NOVA1: variants seen among roughly 807,000 people sequenced by gnomAD.
NOVA1 encodes the protein NOVA alternative splicing regulator 1.
In NOVA1, 7 loss-of-function variants were observed where a neutral mutation model predicts 38.0. The observed-to-expected ratio is 0.18, with a 90% confidence interval of 0.10 to 0.35. The LOEUF (loss-of-function observed/expected upper bound fraction) is 0.35. Among genes scored for constraint, NOVA1 ranks in the 10% least tolerant of loss-of-function variants. The pLI, the probability that NOVA1 is intolerant of heterozygous loss-of-function variation, is 1.00. For synonymous variants in NOVA1, 270 were observed against 232.5 expected, an observed-to-expected ratio of 1.16 and a Z score of -1.47; for missense variants, 460 against 616.0, an observed-to-expected ratio of 0.75 and a Z score of 2.68.
intron 2 of NOVA1, among the ~76,000 whole-genome samples, chr14:26,566,620 C>T (rs1046815415): frequency 6.6e-5 from 10 of 152,056 alleles, no homozygotes; most frequent in South Asian, 2.1e-4. Flanking sequence ...ACTAATAAGG[C>T]GATAAATCCC....
intron 4 of NOVA1, among the ~76,000 whole-genome samples, chr14:26,459,906 T>C (rs1883509426): frequency 6.6e-6 from 1 of 152,026 alleles, no homozygotes; most frequent in Non-Finnish European, 1.5e-5. Flanking sequence ...TTTATTGTCA[T>C]TTTTACCATT....
chr14:26,536,988 T>C (rs182502001), intron 2 of NOVA1, among the ~76,000 whole-genome samples: 45 of 152,290 alleles, frequency 3.0e-4, no homozygotes, highest in Admixed American at 9.2e-4. Context: ...TGTCTTAAAA[T>C]ACTGTGTATA....
intron 2 of NOVA1, among the ~76,000 whole-genome samples, chr14:26,486,069 A>G (rs1193236780): frequency 3.3e-5 from 5 of 152,202 alleles, no homozygotes; most frequent in African/African-American, 9.6e-5. Context: ...AGAAATTACT[A>G]ATTTTGGATA....
At chr14:26,469,344 G>A (rs951457286) in intron 4 of NOVA1, among the ~76,000 whole-genome samples, 11 of 152,262 alleles carry the variant, frequency 7.2e-5, no homozygotes, top group Middle Eastern at 3.4e-3. Context: ...AAATATTTTA[G>A]AGTTGAAAAA....
intron 2 of NOVA1, among the ~76,000 whole-genome samples, chr14:26,507,146 T>G (rs1887696812): frequency 6.6e-6 from 1 of 152,132 alleles, no homozygotes; most frequent in Non-Finnish European, 1.5e-5. Flanking sequence ...TTTTATGCTA[T>G]AACAAACAAG....
intron 2 of NOVA1, among the ~76,000 whole-genome samples, chr14:26,500,256 C>A (rs183956166): frequency 6.6e-6 from 1 of 152,188 alleles, no homozygotes. Context: ...ACACTCACAG[C>A]AGCCTAGCAC....
rs563144467 is a variant in NOVA1 at position 26,480,636 on chromosome 14, T to C, written c.281-493A>G. ...ACTTACCACGCTCTTCCTTTAATCA[T>C]AGCAACACTTGTTACCCGATATTTT... On this transcript the variant is annotated intron_variant, in intron 2 of 4. Coordinates refer to ENST00000539517, the MANE Select transcript of NOVA1 (RefSeq NM_002515.3). Among the ~76,000 whole-genome samples, 3 of 152,084 alleles carry C rather than the reference T, an allele frequency of 2.0e-5. No individual in the cohort carries two copies. The East Asian group carries it at 5.8e-4, about 29-fold the overall frequency.
intron 3 of NOVA1, chr14:26,479,089 A>C (rs556328455): frequency 6.6e-6 from 1 of 152,012 alleles, no homozygotes; most frequent in African/African-American, 2.4e-5. Flanking sequence ...TACAATGAAC[A>C]TGAGTATTCT....
At chr14:26,553,868 C>T (rs1369390062) in intron 2 of NOVA1, among the ~76,000 whole-genome samples, 3 of 151,934 alleles carry the variant, frequency 2.0e-5, no homozygotes, top group South Asian at 2.1e-4. Context: ...AGGACTAGGC[C>T]GGGCCAGGTG....
chr14:26,473,966 C>T (rs1236017287), intron 3 of NOVA1, among the ~76,000 whole-genome samples: 1 of 151,840 alleles, frequency 6.6e-6, no homozygotes, highest in Non-Finnish European at 1.5e-5. Flanking sequence ...TAAAAATTTC[C>T]CTAATATTTT....
chr14:26,524,987 C>CTA (rs1387308867), intron 2 of NOVA1, among the ~76,000 whole-genome samples: 1 of 152,118 alleles, frequency 6.6e-6, no homozygotes, highest in African/African-American at 2.4e-5. Flanking sequence ...GTATTCAAAA[C>CTA]TATAGTTCAG....
intron 3 of NOVA1, among the ~76,000 whole-genome samples, chr14:26,478,205 T>C (rs1476162116): frequency 2.0e-5 from 3 of 151,984 alleles, no homozygotes; most frequent in Non-Finnish European, 1.5e-5. Context: ...ACTGGATATA[T>C]GATAGCCTGT....
At chr14:26,498,315 C>T (rs1024868449) in intron 2 of NOVA1, among the ~76,000 whole-genome samples, 1 of 151,982 alleles carries the variant, frequency 6.6e-6, no homozygotes, top group Non-Finnish European at 1.5e-5. Flanking sequence ...ATCCGCCCGC[C>T]TCGGCCTCCC....
chr14:26,461,553 C>A (rs1362178178), intron 4 of NOVA1, among the ~76,000 whole-genome samples: 1 of 151,992 alleles, frequency 6.6e-6, no homozygotes, highest in East Asian at 1.9e-4. Context: ...CAGAAGTCTG[C>A]AATGGAATGA....
intron 2 of NOVA1, among the ~76,000 whole-genome samples, chr14:26,508,585 C>T (rs948478365): frequency 2.7e-5 from 4 of 149,986 alleles, no homozygotes; most frequent in African/African-American, 4.9e-5. Context: ...CACCATTTAT[C>T]CGCATACACT....
At chr14:26,484,457 A>ACC (rs1885723835) in intron 2 of NOVA1, among the ~76,000 whole-genome samples, 4 of 102,586 alleles carry the variant, frequency 3.9e-5, no homozygotes, top group Non-Finnish European at 6.0e-5. Flanking sequence ...AAAAAAAAAA[A>ACC]AAAAAGAAAT....
chr14:26,473,825 AAGGGGT>A (rs1884775702), intron 3 of NOVA1, among the ~76,000 whole-genome samples: 3 of 152,032 alleles, frequency 2.0e-5, no homozygotes, highest in Admixed American at 1.3e-4. Context: ...TCATACAAAA[AAGGGGT>A]AGGACAGCTA....
chr14:26,460,810 C>T (rs1883596728), intron 4 of NOVA1, among the ~76,000 whole-genome samples: 1 of 152,100 alleles, frequency 6.6e-6, no homozygotes, highest in African/African-American at 2.4e-5. Flanking sequence ...ATTCATGTAT[C>T]TAAGCATTCT....
intron 2 of NOVA1, among the ~76,000 whole-genome samples, chr14:26,543,380 C>T (rs1286380588): frequency 1.3e-5 from 2 of 151,866 alleles, no homozygotes; most frequent in Non-Finnish European, 2.9e-5. Flanking sequence ...AAACACATAA[C>T]AGGAGCTAGG....
Sources: gnomAD v4.1 joint callset for allele counts (sites outside exome capture counted in the v4.1 genomes callset) on GRCh38, gnomAD v4.1.1 for gene constraint, MANE v1.5 for transcripts, NCBI Gene and HGNC (gene_info 2026-07-23, HGNC 2026-07-21) for gene names.